Variants in HECW2 observed in about 807,000 individuals in gnomAD.
HECW2 encodes HECT, C2 and WW domain containing E3 ubiquitin protein ligase 2.
HECW2 carries 61 observed loss-of-function variants against 175.2 expected under a neutral mutation model. The observed-to-expected ratio is 0.35, with a 90% CI of 0.28 to 0.43. HECW2 has a LOEUF of 0.43. Among genes scored for constraint, HECW2 ranks in the 20% least tolerant of loss-of-function variants. The pLI, the probability that HECW2 is intolerant of heterozygous loss-of-function variation, is 1.00. For synonymous variants in HECW2, 671 were observed against 731.0 expected, an observed-to-expected ratio of 0.92 and a Z score of 1.32; for missense variants, 1,524 against 2,000.5, an observed-to-expected ratio of 0.76 and a Z score of 4.54.
At chr2:196,225,032 T>C (rs1390865750) in intron 23 of HECW2, among the ~76,000 whole-genome samples, 4 of 152,234 alleles carry the variant, frequency 2.6e-5, no homozygotes, top group Non-Finnish European at 5.9e-5. Flanking sequence ...GGGTATGAGC[T>C]GGACAGAGCC....
chr2:196,583,974 C>T (rs1269752361), intron 1 of HECW2, among the ~76,000 whole-genome samples: 1 of 152,196 alleles, frequency 6.6e-6, no homozygotes, highest in Non-Finnish European at 1.5e-5. Context: ...GGTAGCATAT[C>T]AGCATCTGGG....
intron 2 of HECW2, among the ~76,000 whole-genome samples, chr2:196,385,793 G>A (rs576649154): frequency 2.0e-5 from 3 of 152,228 alleles, no homozygotes; most frequent in South Asian, 4.1e-4. Flanking sequence ...AACTACTGTA[G>A]TACATGGGTT....
At chr2:196,267,536 T>TA (rs61364788) in intron 17 of HECW2, among the ~76,000 whole-genome samples, 34 of 145,694 alleles carry the variant, frequency 2.3e-4, no homozygotes, top group Middle Eastern at 3.5e-3. Flanking sequence ...GAGGTTTGTT[T>TA]AAAAAAAAAA....
chr2:196,308,769 C>T (rs1321040039), intron 10 of HECW2, among the ~76,000 whole-genome samples: 3 of 152,138 alleles, frequency 2.0e-5, no homozygotes, highest in Non-Finnish European at 4.4e-5. Flanking sequence ...AGTGAATGTT[C>T]AGAAGGCAGA....
At chr2:196,374,035 A>T (rs1693980455) in intron 2 of HECW2, among the ~76,000 whole-genome samples, 1 of 140,162 alleles carries the variant, frequency 7.1e-6, no homozygotes, top group East Asian at 1.9e-4. Flanking sequence ...CCGTCTCAAA[A>T]AAAATAAAAT....
intron 2 of HECW2, among the ~76,000 whole-genome samples, chr2:196,374,431 A>C (rs777295706): frequency 5.3e-5 from 8 of 152,226 alleles, no homozygotes; most frequent in Non-Finnish European, 1.2e-4. Context: ...CATAATTTCC[A>C]AGTGGTGTAC....
chr2:196,460,102 C>A (rs1034056306), intron 1 of HECW2, among the ~76,000 whole-genome samples: 2 of 152,024 alleles, frequency 1.3e-5, no homozygotes, highest in African/African-American at 4.8e-5. Flanking sequence ...AGGCTGCAAC[C>A]CTTTATGAAA....
chr2:196,239,260 G>GCACTGCATGTGACAAGAGCGGGC (rs1332125516), intron 21 of HECW2: 2 of 152,214 alleles, frequency 1.3e-5, no homozygotes, highest in Non-Finnish European at 2.9e-5. Flanking sequence ...AGACTACACA[G>GCACTGCATGTGACAAGAGCGGGC]CACTGCATGT....
intron 1 of HECW2, among the ~76,000 whole-genome samples, chr2:196,557,641 A>G (rs1040408673): frequency 3.3e-5 from 5 of 152,230 alleles, no homozygotes; most frequent in African/African-American, 1.2e-4. Flanking sequence ...ACAATAGAGG[A>G]AACAAGTTTT....
At chr2:196,302,848 G>A (rs1456788008) in intron 13 of HECW2, among the ~76,000 whole-genome samples, 1 of 152,200 alleles carries the variant, frequency 6.6e-6, no homozygotes, top group African/African-American at 2.4e-5. Flanking sequence ...GTAGAATCAT[G>A]TCATCTGCAA....
At chr2:196,491,440 C>T (rs1687188693) in intron 1 of HECW2, among the ~76,000 whole-genome samples, 1 of 141,562 alleles carries the variant, frequency 7.1e-6, no homozygotes, top group South Asian at 2.2e-4. Context: ...TATATACACA[C>T]ATATATACAC....
chr2:196,380,191 A>C (rs950951908), intron 2 of HECW2, among the ~76,000 whole-genome samples: 1 of 152,206 alleles, frequency 6.6e-6, no homozygotes, highest in Non-Finnish European at 1.5e-5. Context: ...GATTTGCTTA[A>C]ATGCACTCAA....
intron 28 of HECW2, among the ~76,000 whole-genome samples, chr2:196,210,444 C>T (rs1477973639): frequency 6.6e-6 from 1 of 152,040 alleles, no homozygotes; most frequent in Non-Finnish European, 1.5e-5. Context: ...AAGCCTTAGC[C>T]TCCCAAGTAC....
intron 3 of HECW2, among the ~76,000 whole-genome samples, chr2:196,342,238 C>T (rs2105825902): frequency 6.6e-6 from 1 of 151,800 alleles, no homozygotes; most frequent in African/African-American, 2.4e-5. Context: ...AACCCTGTCT[C>T]TACTAAAAAT....
chr2:196,235,781 G>A (rs183122508), intron 21 of HECW2, among the ~76,000 whole-genome samples: 178 of 149,642 alleles, frequency 1.2e-3, no homozygotes, highest in African/African-American at 4.2e-3. Context: ...TCAGCCTCCC[G>A]AGTAGCTGGG....
At chr2:196,202,435 G>A (rs1254537222) in intron 28 of HECW2, among the ~76,000 whole-genome samples, 2 of 152,122 alleles carry the variant, frequency 1.3e-5, no homozygotes, top group Non-Finnish European at 2.9e-5. Context: ...ATCAACAAGT[G>A]TGTGATTTGG....
In HECW2 at chr2:196,388,346, ATTT is replaced by A. The variant is rs944016940; in HGVS notation, c.293-44585_293-44583del. On this transcript the variant is annotated intron_variant, in intron 2 of 28. Transcript: ENST00000644978. The stretch of plus-strand genomic sequence containing the variant: ...ATTGTACAAAACGTCATTTCTAGAG[ATTT>A]TTGTTTTTTCATGGCTTTCTTTAGG... Among the ~76,000 whole-genome samples, 4 of 152,252 alleles carry A rather than the reference ATTT, an allele frequency of 2.6e-5. No individual in the cohort carries two copies. In the East Asian group the frequency reaches 7.7e-4, roughly 29 times the overall value.
At chr2:196,489,299 T>C (rs570884612) in intron 1 of HECW2, among the ~76,000 whole-genome samples, 1 of 152,132 alleles carries the variant, frequency 6.6e-6, no homozygotes, top group Non-Finnish European at 1.5e-5. Context: ...GAGAGAGAGA[T>C]ATATAACTCC....
chr2:196,321,194 G>A (rs564223793), intron 7 of HECW2, among the ~76,000 whole-genome samples: 1 of 152,254 alleles, frequency 6.6e-6, no homozygotes, highest in East Asian at 1.9e-4. Context: ...CCTGTGGTGG[G>A]GTCATATCCC....
Sources: gnomAD v4.1 joint callset for allele counts (sites outside exome capture counted in the v4.1 genomes callset) on GRCh38, gnomAD v4.1.1 for gene constraint, MANE v1.5 for transcripts, NCBI Gene and HGNC (gene_info 2026-07-23, HGNC 2026-07-21) for gene names.